Variants in SREBF2 observed in about 807,000 individuals in gnomAD.
SREBF2 encodes the protein sterol regulatory element binding transcription factor 2.
Under a neutral mutation model 113.1 loss-of-function variants are expected in SREBF2, and 55 were observed. The observed-to-expected ratio is 0.49, with a 90% CI of 0.39 to 0.61. The LOEUF (loss-of-function observed/expected upper bound fraction) is 0.61. Ranked by LOEUF, SREBF2 falls within the 20% of genes least tolerant of loss-of-function variation. The pLI is 0.00. For synonymous variants in SREBF2, 593 were observed against 605.7 expected, an observed-to-expected ratio of 0.98 and a Z score of 0.31; for missense variants, 1,349 against 1,487.4, an observed-to-expected ratio of 0.91 and a Z score of 1.53.
In SREBF2 at chr22:41,880,997, G is replaced by C; in HGVS notation, c.2038+5G>C. 3 of 1,604,868 alleles carry C rather than the reference G, an allele frequency of 1.9e-6. No homozygotes were observed. The highest frequency in any genetic ancestry group is 2.1e-4 in the Middle Eastern group (1 of 4,696). ...TGCACCAGCTGCACATCACAGGTGA[G>C]GGGGCAGCTGCTGCTGCCTGGCTTG... On this transcript the variant is annotated splice_donor_5th_base_variant and intron_variant, in intron 10 of 18. Transcript: ENST00000361204.
intron 11 of SREBF2, among the ~76,000 whole-genome samples, chr22:41,890,252 A>T (rs181528654): frequency 7.1e-4 from 108 of 152,096 alleles, no homozygotes; most frequent in Non-Finnish European, 1.2e-3. Flanking sequence ...TTCCACATTG[A>T]TTTTCACACA....
chr22:41,897,694 G>A (rs931429578), intron 14 of SREBF2, among the ~76,000 whole-genome samples: 4 of 152,120 alleles, frequency 2.6e-5, no homozygotes, highest in Non-Finnish European at 5.9e-5. Context: ...GCCAACTCTT[G>A]GGCTTCTGTG....
At chr22:41,894,391 C>T (rs376665938) in intron 12 of SREBF2, among the ~76,000 whole-genome samples, 105 of 152,304 alleles carry the variant, frequency 6.9e-4, no homozygotes, top group African/African-American at 1.6e-3. Context: ...CTGGAAAAAC[C>T]GGAGCATGTT....
At chr22:41,857,723 G>A (rs2839713) in intron 1 of SREBF2, among the ~76,000 whole-genome samples, 12,578 of 152,200 alleles carry the variant, frequency 0.083, 664 homozygotes, top group East Asian at 0.15. Flanking sequence ...CTCTTCGCAG[G>A]AAGGTGACCC....
rs567225193 is a variant in SREBF2, at chr22:41,836,838, G to A, written c.88+3480G>A. On this transcript the variant is annotated intron_variant, in intron 1 of 18. Transcript: ENST00000361204. ...ACTTCCTTTGTATGTGTATGGTGGG[G>A]ATAAGGGGTGGATGCAACCTAGAGA... is the stretch of plus-strand genomic sequence containing the variant. 8.5e-5 allele frequency among the ~76,000 whole-genome samples: 13 copies of A among 152,266 alleles called. No homozygotes were observed. In the South Asian group the frequency reaches 2.7e-3, roughly 32 times the overall value.
At chr22:41,878,814 A>C in intron 9 of SREBF2, 1 of 1,147,730 alleles carries the variant, frequency 8.7e-7, no homozygotes, top group South Asian at 1.3e-5. Flanking sequence ...ATTAGTGAGA[A>C]TCTGATTGGC....
chr22:41,868,836 T>C, intron 3 of SREBF2, 44 bp downstream of exon 3: 1 of 1,566,648 alleles, frequency 6.4e-7, no homozygotes. Flanking sequence ...GTTGGGGCTG[T>C]TAACTGGTCC....
chr22:41,868,864 C>A, intron 3 of SREBF2, 72 bp downstream of exon 3: 1 of 1,540,632 alleles, frequency 6.5e-7, no homozygotes, highest in Non-Finnish European at 8.8e-7. Context: ...AAGATGTGGT[C>A]TACATACTAA....
intron 11 of SREBF2, among the ~76,000 whole-genome samples, chr22:41,891,651 G>A (rs1010409744): frequency 6.6e-6 from 1 of 152,214 alleles, no homozygotes; most frequent in African/African-American, 2.4e-5. Flanking sequence ...CCATCAGACT[G>A]AACCAGACCA....
At chr22:41,849,532 G>A (rs1282725991) in intron 1 of SREBF2, among the ~76,000 whole-genome samples, 1 of 152,152 alleles carries the variant, frequency 6.6e-6, no homozygotes, top group Non-Finnish European at 1.5e-5. Flanking sequence ...ACCATAACAT[G>A]TGCCTCTTGA....
chr22:41,894,498 C>G (rs1478751737), intron 12 of SREBF2, among the ~76,000 whole-genome samples: 3 of 152,152 alleles, frequency 2.0e-5, no homozygotes, highest in African/African-American at 7.2e-5. Flanking sequence ...CTGAGACATT[C>G]CATTTTCTGT....
chr22:41,843,754 G>A (rs2076849723), intron 1 of SREBF2, among the ~76,000 whole-genome samples: 1 of 151,954 alleles, frequency 6.6e-6, no homozygotes. Flanking sequence ...TAGCACTTTG[G>A]GAGGCCAAGA....
chr22:41,869,459 G>T (rs1199338961), intron 3 of SREBF2, among the ~76,000 whole-genome samples: 1 of 150,368 alleles, frequency 6.7e-6, no homozygotes, highest in Admixed American at 6.7e-5. Context: ...TTGGGGGGAG[G>T]GGGGGCATGT....
chr22:41,837,509 G>A (rs1287239274), intron 1 of SREBF2, among the ~76,000 whole-genome samples: 1 of 146,972 alleles, frequency 6.8e-6, no homozygotes, highest in African/African-American at 2.5e-5. Flanking sequence ...AGTAAGCTGA[G>A]ATCATGCCAC....
chr22:41,905,094 C>T, intron 18 of SREBF2, 120 bp downstream of exon 18: 2 of 994,690 alleles, frequency 2.0e-6, no homozygotes, highest in Non-Finnish European at 3.0e-6. Flanking sequence ...CCTCTCGCCT[C>T]TCTGAGAATG....
At chr22:41,901,718 T>C (rs2077466887) in intron 16 of SREBF2, among the ~76,000 whole-genome samples, 1 of 152,242 alleles carries the variant, frequency 6.6e-6, no homozygotes, top group African/African-American at 2.4e-5. Flanking sequence ...CAAAGGCAGA[T>C]GGTGAGCCAC....
At chr22:41,861,698 G>A (rs914849522) in intron 1 of SREBF2, among the ~76,000 whole-genome samples, 19 of 152,068 alleles carry the variant, frequency 1.2e-4, no homozygotes, top group Admixed American at 5.9e-4. Flanking sequence ...CGAGGTAGGC[G>A]GATCATCTGA....
chr22:41,876,939 A>G (rs1201969209), intron 7 of SREBF2, among the ~76,000 whole-genome samples: 2 of 152,170 alleles, frequency 1.3e-5, no homozygotes, highest in Non-Finnish European at 2.9e-5. Flanking sequence ...CAGAAACAGA[A>G]TCATACAGTG....
chr22:41,873,649 C>T (rs2077166338), intron 4 of SREBF2, 149 bp from the exon 5 acceptor site: 1 of 782,912 alleles, frequency 1.3e-6, no homozygotes, highest in African/African-American at 1.7e-5. Context: ...TTCTTGGGGC[C>T]TGATTTGATT....
Sources: gnomAD v4.1 joint callset for allele counts (sites outside exome capture counted in the v4.1 genomes callset) on GRCh38, gnomAD v4.1.1 for gene constraint, MANE v1.5 for transcripts, NCBI Gene and HGNC (gene_info 2026-07-23, HGNC 2026-07-21) for gene names.